Variants in CREB1 observed in about 807,000 individuals in gnomAD.
CREB1 encodes the protein cAMP responsive element binding protein 1.
In CREB1, 2 loss-of-function variants were observed where a neutral mutation model predicts 42.0. The ratio of observed to expected loss-of-function variants is 0.05; its 90% confidence interval spans 0.02 to 0.15. The LOEUF is 0.15. Ranked by LOEUF, CREB1 falls within the 10% of genes least tolerant of loss-of-function variation. The pLI, the probability that CREB1 is intolerant of heterozygous loss-of-function variation, is 1.00. For missense variants in CREB1, 199 were observed against 388.9 expected (o/e 0.51, Z 4.11); for synonymous variants, 123 against 139.9 (o/e 0.88, Z 0.85).
intron 5 of CREB1, among the ~76,000 whole-genome samples, chr2:207,570,950 A>T (rs917295685): frequency 3.6e-5 from 5 of 140,512 alleles, no homozygotes; most frequent in African/African-American, 1.3e-4. Context: ...AAAATCTGTT[A>T]TAAGACACTT....
chr2:207,567,683 A>T, intron 4 of CREB1, 120 bp downstream of exon 4: 1 of 557,592 alleles, frequency 1.8e-6, no homozygotes, highest in East Asian at 3.0e-5. Context: ...ACTTTTCTTC[A>T]TCTTGAGTTA....
intron 4 of CREB1, chr2:207,568,262 A>G (rs2106529949): frequency 6.6e-6 from 1 of 152,150 alleles, no homozygotes; most frequent in Non-Finnish European, 1.5e-5. Flanking sequence ...CCGCTTGGCT[A>G]TTAAACTAAC....
rs897196581 is a variant in CREB1, at chr2:207,605,201, C to T, written c.*8143C>T. 6.6e-6 allele frequency among the ~76,000 whole-genome samples: 1 copy of T among 152,142 alleles called. No individual in the cohort carries two copies. The highest frequency in any genetic ancestry group is 1.5e-5 in the Non-Finnish European group (1 of 68,034). On this transcript the variant is annotated 3_prime_UTR_variant, in exon 8 of 8. Coordinates refer to ENST00000353267, the MANE Select transcript of CREB1 (RefSeq NM_004379.5). ...CTTCCACCATTGATGTATGAGGGTTCCAATTTCTCCACACCTTCACCAACA... is the reference window on the plus strand; with the variant it reads ...CTTCCACCATTGATGTATGAGGGTTTCAATTTCTCCACACCTTCACCAACA...
Position 207,593,744 on chromosome 2 carries a change from C to T in CREB1, c.840-3170C>T, listed in dbSNP as rs868810109. On this transcript the variant is annotated intron_variant, in intron 7 of 7. Coordinates refer to ENST00000353267, the MANE Select transcript of CREB1 (RefSeq NM_004379.5). ...CTTTTTTTTTTTTTTTTTTTTGAGA[C>T]GGAAACACCTATCACCCAGGCTGGA... Among the ~76,000 whole-genome samples the T allele has an allele frequency of 1.7e-3, 221 of 127,142 alleles. 1 individual carries two copies. The highest frequency in any genetic ancestry group is 6.3e-3 in the African/African-American group (214 of 33,732). The allele number at this position is 127,142 out of a possible 152,430, so 83.4% of individuals were successfully genotyped here. A position where few individuals can be genotyped will look rare whatever the true frequency, so the allele number is the denominator to read the frequency against.
At chr2:207,557,574 C>T (rs919048430) in intron 2 of CREB1, among the ~76,000 whole-genome samples, 4 of 151,850 alleles carry the variant, frequency 2.6e-5, no homozygotes, top group Non-Finnish European at 5.9e-5. Context: ...CCCAGCTACT[C>T]GGGAGGCTGA....
chr2:207,565,832 G>C (rs1434442794), intron 3 of CREB1, among the ~76,000 whole-genome samples: 1 of 152,146 alleles, frequency 6.6e-6, no homozygotes, highest in African/African-American at 2.4e-5. Context: ...GTTATTCCTT[G>C]AATTTCTGAT....
At chr2:207,583,122 T>C (rs1197734038) in intron 7 of CREB1, among the ~76,000 whole-genome samples, 1 of 152,064 alleles carries the variant, frequency 6.6e-6, no homozygotes, top group Non-Finnish European at 1.5e-5. Flanking sequence ...GTATTAAATA[T>C]TATAAGTAAT....
At chr2:207,591,231 A>T (rs2084973165) in intron 7 of CREB1, among the ~76,000 whole-genome samples, 1 of 152,168 alleles carries the variant, frequency 6.6e-6, no homozygotes, top group East Asian at 1.9e-4. Flanking sequence ...TAAGGCATTC[A>T]TCCCTTTGTT....
At chr2:207,530,612 C>G (rs1217222359) in intron 1 of CREB1, among the ~76,000 whole-genome samples, 3 of 148,552 alleles carry the variant, frequency 2.0e-5, no homozygotes, top group African/African-American at 7.3e-5. Flanking sequence ...GCCCCCGGCC[C>G]GACCCGGCCG....
intron 7 of CREB1, among the ~76,000 whole-genome samples, chr2:207,579,718 C>G (rs2082770784): frequency 6.6e-6 from 1 of 152,160 alleles, no homozygotes. Context: ...GTTCCTTTTC[C>G]CCTTTGTTAC....
At chr2:207,558,122 G>A (rs1171765090) in intron 2 of CREB1, among the ~76,000 whole-genome samples, 1 of 152,164 alleles carries the variant, frequency 6.6e-6, no homozygotes, top group Non-Finnish European at 1.5e-5. Context: ...ATTTATAGTG[G>A]CCAGAGAGAA....
chr2:207,565,559 C>A (rs900672229), intron 3 of CREB1, among the ~76,000 whole-genome samples: 1 of 147,852 alleles, frequency 6.8e-6, no homozygotes, highest in Non-Finnish European at 1.5e-5. Context: ...TAAAAAACAA[C>A]ATTAATTTGT....
chr2:207,531,782 A>C (rs1325023921), intron 1 of CREB1, among the ~76,000 whole-genome samples: 1 of 152,232 alleles, frequency 6.6e-6, no homozygotes, highest in Non-Finnish European at 1.5e-5. Flanking sequence ...TTAAGAACAA[A>C]TATTGATTGG....
At chr2:207,553,901 A>G (rs981720676) in intron 1 of CREB1, among the ~76,000 whole-genome samples, 4 of 152,220 alleles carry the variant, frequency 2.6e-5, no homozygotes, top group African/African-American at 9.6e-5. Context: ...AAACCTTTAC[A>G]ACAATTTGTT....
At position 207,592,911 on chromosome 2, in the gene CREB1, C is replaced by CAAAAAAGAAAAGAAAAAAGAA. The variant is rs1553509958; in HGVS notation, c.840-3987_840-3986insAAGAAAAAAAAGAAAAGAAAA. On this transcript the variant is annotated intron_variant, in intron 7 of 7. Transcript: ENST00000353267. ...CTGGCGACAGAGCAAGACTCCATCT[C>CAAAAAAGAAAAGAAAAAAGAA]AAAAAAGAAAAGAAAATTCTCAGAT... Among the ~76,000 whole-genome samples, 98 of 145,200 alleles carry CAAAAAAGAAAAGAAAAAAGAA rather than the reference C, an allele frequency of 6.7e-4. 1 individual carries two copies. The Middle Eastern group carries it at 0.01, about 16-fold the overall frequency.
chr2:207,544,357 T>C (rs541740751), intron 1 of CREB1, among the ~76,000 whole-genome samples: 36 of 152,328 alleles, frequency 2.4e-4, no homozygotes, highest in African/African-American at 6.5e-4. Flanking sequence ...CTATTCTTTC[T>C]TTTTTTCCAC....
rs545422123 is a variant in CREB1 at position 207,558,254 on chromosome 2, G to A, written c.115-1972G>A. Among the ~76,000 whole-genome samples, 42 of 152,206 alleles carry A rather than the reference G, an allele frequency of 2.8e-4. No homozygotes were observed. In the Middle Eastern group the frequency reaches 0.014, roughly 49 times the overall value. ...CCCAGGCTTCACAGTCACATATTTC[G>A]CTGCCTGCTAAAATAAACATCTCTA... On this transcript the variant is annotated intron_variant, in intron 2 of 7. Transcript: ENST00000353267.
At chr2:207,591,024 G>A (rs2084933998) in intron 7 of CREB1, among the ~76,000 whole-genome samples, 1 of 152,038 alleles carries the variant, frequency 6.6e-6, no homozygotes, top group African/African-American at 2.4e-5. Context: ...AATAATCGAG[G>A]ATCTTCCCAG....
chr2:207,541,946 A>C (rs948411272), intron 1 of CREB1, among the ~76,000 whole-genome samples: 13 of 152,236 alleles, frequency 8.5e-5, no homozygotes, highest in African/African-American at 3.1e-4. Context: ...GTGGAATCAT[A>C]TAGCATAATG....
Sources: allele counts gnomAD v4.1 joint callset (sites outside exome capture counted in the v4.1 genomes callset), GRCh38; gene constraint gnomAD v4.1.1; transcripts MANE v1.5; gene names NCBI Gene and HGNC (gene_info 2026-07-23, HGNC 2026-07-21).